Variants in SEMA3A observed in about 807,000 individuals in gnomAD.
The protein encoded by SEMA3A is semaphorin 3A.
In SEMA3A, 29 loss-of-function variants were observed where a neutral mutation model predicts 97.9. That is an observed-to-expected ratio of 0.30 (90% CI 0.22 to 0.40). SEMA3A has a LOEUF of 0.40. Among genes scored for constraint, SEMA3A ranks in the 10% least tolerant of loss-of-function variants. The pLI is 1.00. For missense variants in SEMA3A, 763 were observed against 951.3 expected, an observed-to-expected ratio of 0.80 and a Z score of 2.60; for synonymous variants, 321 against 323.7, an observed-to-expected ratio of 0.99 and a Z score of 0.09.
intron 1 of SEMA3A, among the ~76,000 whole-genome samples, chr7:84,150,937 C>T (rs934834774): frequency 8.4e-4 from 126 of 149,488 alleles, no homozygotes; most frequent in Non-Finnish European, 1.5e-3. Flanking sequence ...TGACCCCTGA[C>T]CCCTGAGCAG....
chr7:84,045,262 A>G (rs1792304344), intron 6 of SEMA3A, among the ~76,000 whole-genome samples: 1 of 152,012 alleles, frequency 6.6e-6, no homozygotes, highest in Non-Finnish European at 1.5e-5. Flanking sequence ...TACTGAGAAC[A>G]TGACTATAAA....
At chr7:84,196,373 C>G (rs912041758), upstream of SEMA3A, among the ~76,000 whole-genome samples, 1 of 152,156 alleles carries the variant, frequency 6.6e-6, no homozygotes, top group South Asian at 2.1e-4. Context: ...CTCTCTCTCT[C>G]TCTCTCTCTG....
chr7:84,056,730 T>C (rs1792997612), intron 5 of SEMA3A, among the ~76,000 whole-genome samples: 1 of 152,172 alleles, frequency 6.6e-6, no homozygotes, highest in South Asian at 2.1e-4. Flanking sequence ...AATAAATATT[T>C]TGGCTTCGTT....
intron 15 of SEMA3A, among the ~76,000 whole-genome samples, chr7:83,972,171 G>A (rs1788947532): frequency 6.6e-6 from 1 of 151,598 alleles, no homozygotes; most frequent in South Asian, 2.1e-4. Flanking sequence ...AATATTTTTT[G>A]CAGTAGAGTC....
intron 4 of SEMA3A, among the ~76,000 whole-genome samples, chr7:84,079,680 A>G (rs1423400449): frequency 6.1e-5 from 8 of 131,610 alleles, no homozygotes; most frequent in Non-Finnish European, 6.3e-5. Context: ...TTAGAATGGC[A>G]ATCATTAAAA....
chr7:83,960,380 A>G lies in SEMA3A; in HGVS notation c.*991T>C, dbSNP rs1788420277. On this transcript the variant is annotated 3_prime_UTR_variant, in exon 17 of 17. Coordinates refer to ENST00000265362, the MANE Select transcript of SEMA3A (RefSeq NM_006080.3). ...TGTTTCTTCCTTTTTTCCTGCTTAAATGTTCTGTTTTTTTTTCTAAGAACA... is the reference window on the plus strand; with the variant it reads ...TGTTTCTTCCTTTTTTCCTGCTTAAGTGTTCTGTTTTTTTTTCTAAGAACA... 6.6e-6 allele frequency: 1 copy of G among 151,950 alleles called. No individual in the cohort carries two copies. Among genetic ancestry groups the G allele is most frequent in the South Asian group, 2.1e-4 (1 of 4,822 alleles). The allele number at this position is 151,950 out of a possible 1,614,324, so 9.4% of individuals were successfully genotyped here.
intron 1 of SEMA3A, among the ~76,000 whole-genome samples, chr7:84,404,047 C>A (rs553782436): frequency 6.6e-6 from 1 of 152,036 alleles, no homozygotes; most frequent in African/African-American, 2.4e-5. Context: ...GGACGGAGAA[C>A]GACTTTGAAG....
intron 3 of SEMA3A, among the ~76,000 whole-genome samples, chr7:84,217,706 A>AAC (rs1191192420): frequency 6.6e-6 from 1 of 152,030 alleles, no homozygotes; most frequent in Non-Finnish European, 1.5e-5. Context: ...GACTTCATTG[A>AAC]ACTATGATCC....
chr7:84,096,697 T>C (rs1444354857), intron 4 of SEMA3A, among the ~76,000 whole-genome samples: 1 of 152,110 alleles, frequency 6.6e-6, no homozygotes, highest in Non-Finnish European at 1.5e-5. Context: ...TGTCTTTTCA[T>C]TTCACCTCAA....
chr7:84,463,497 C>G (rs1805916007), intron 1 of SEMA3A, among the ~76,000 whole-genome samples: 1 of 152,184 alleles, frequency 6.6e-6, no homozygotes, highest in African/African-American at 2.4e-5. Context: ...ATCCGCCCAC[C>G]TTGGCCTCCC....
intron 3 of SEMA3A, among the ~76,000 whole-genome samples, chr7:84,244,146 C>T (rs1297965849): frequency 6.6e-6 from 1 of 152,094 alleles, no homozygotes; most frequent in Non-Finnish European, 1.5e-5. Context: ...TCCTGAATAT[C>T]CTTGTTAATT....
At chr7:84,312,239 T>A (rs1365656239) in intron 2 of SEMA3A, among the ~76,000 whole-genome samples, 1 of 151,866 alleles carries the variant, frequency 6.6e-6, no homozygotes, top group African/African-American at 2.4e-5. Context: ...AAATAGAAAA[T>A]TAACATATGT....
At chr7:84,122,626 A>G (rs1390722311) in intron 3 of SEMA3A, among the ~76,000 whole-genome samples, 2 of 152,200 alleles carry the variant, frequency 1.3e-5, no homozygotes, top group African/African-American at 4.8e-5. Context: ...ATGTCTCAAT[A>G]TGTCTAAAAT....
intron 15 of SEMA3A, among the ~76,000 whole-genome samples, chr7:83,966,604 C>T (rs1204885518): frequency 1.3e-5 from 2 of 152,154 alleles, no homozygotes; most frequent in Admixed American, 1.3e-4. Flanking sequence ...AACTATCAAT[C>T]ACGATCAAGA....
At chr7:84,291,054 C>T (rs1037225655) in intron 3 of SEMA3A, among the ~76,000 whole-genome samples, 1 of 152,068 alleles carries the variant, frequency 6.6e-6, no homozygotes, top group African/African-American at 2.4e-5. Flanking sequence ...TTGTATACCA[C>T]ATATTGTTCC....
chr7:84,240,058 G>A (rs1192030660), intron 3 of SEMA3A, among the ~76,000 whole-genome samples: 2 of 152,032 alleles, frequency 1.3e-5, no homozygotes, highest in Non-Finnish European at 2.9e-5. Flanking sequence ...ATACCCAAGT[G>A]GTAGGTTGGT....
chr7:84,185,054 T>G (rs966563180), intron 1 of SEMA3A, among the ~76,000 whole-genome samples: 1 of 152,162 alleles, frequency 6.6e-6, no homozygotes, highest in Non-Finnish European at 1.5e-5. Flanking sequence ...CTCTAATAAC[T>G]GGTGTTTTAA....
intron 6 of SEMA3A, among the ~76,000 whole-genome samples, chr7:84,037,223 C>A (rs950530762): frequency 3.3e-5 from 5 of 151,646 alleles, no homozygotes; most frequent in Admixed American, 2.6e-4. Flanking sequence ...GTAATAATTC[C>A]AATTAATCAA....
chr7:84,277,955 T>G (rs1246403324), intron 3 of SEMA3A, among the ~76,000 whole-genome samples: 1 of 152,156 alleles, frequency 6.6e-6, no homozygotes, highest in East Asian at 1.9e-4. Context: ...AGCTTTTTCT[T>G]TCTCTGCCAA....
Sources: gnomAD v4.1 joint callset for allele counts (sites outside exome capture counted in the v4.1 genomes callset) on GRCh38, gnomAD v4.1.1 for gene constraint, MANE v1.5 for transcripts, NCBI Gene and HGNC (gene_info 2026-07-23, HGNC 2026-07-21) for gene names.